The following MUSK variants were observed in gnomAD, a reference collection of about 807,000 sequenced individuals.
MUSK encodes muscle associated receptor tyrosine kinase.
MUSK carries 55 observed loss-of-function variants against 88.7 expected under a neutral mutation model. That is an observed-to-expected ratio of 0.62 (90% CI 0.50 to 0.78). The LOEUF is 0.78. MUSK is among the 30% of genes least tolerant of loss of function. MUSK has a pLI of 0.00. For synonymous variants in MUSK, 387 were observed against 391.9 expected, an observed-to-expected ratio of 0.99 and a Z score of 0.15; for missense variants, 1,015 against 1,074.3, an observed-to-expected ratio of 0.94 and a Z score of 0.77.
At chr9:110,731,954 A>G (rs1211547975) in intron 5 of MUSK, among the ~76,000 whole-genome samples, 1 of 152,168 alleles carries the variant, frequency 6.6e-6, no homozygotes, top group Non-Finnish European at 1.5e-5. Flanking sequence ...AACCTTTCCA[A>G]GAAGAATTTA....
chr9:110,708,094 AT>A (rs1178537036), intron 5 of MUSK, among the ~76,000 whole-genome samples: 1 of 81,010 alleles, frequency 1.2e-5, no homozygotes, highest in African/African-American at 4.8e-5. Context: ...AATAATTCCT[AT>A]CTATCTATCT....
intron 7 of MUSK, among the ~76,000 whole-genome samples, chr9:110,755,965 C>CGT (rs1554750841): frequency 7.6e-4 from 62 of 81,628 alleles, no homozygotes; most frequent in African/African-American, 2.5e-3. Context: ...TATATATATA[C>CGT]ATATATATAT....
Position 110,681,057 on chromosome 9 carries a change from T to A in MUSK, c.80-1617T>A, listed in dbSNP as rs1221510418. On this transcript the variant is annotated intron_variant, in intron 1 of 14. Transcript: ENST00000374448. ...TATATTATATAATATATATTATATA[T>A]TATATATATAATATTATATATATTA... is the stretch of plus-strand genomic sequence containing the variant. Among the ~76,000 whole-genome samples, 77 of 20,226 alleles carry A rather than the reference T, an allele frequency of 3.8e-3. 10 individuals carry two copies. Among genetic ancestry groups the A allele is most frequent in the African/African-American group, 0.024 (67 of 2,746 alleles). The allele number at this position is 20,226 out of a possible 152,430, so 13.3% of individuals were successfully genotyped here. A position where few individuals can be genotyped will look rare whatever the true frequency, so the allele number is the denominator to read the frequency against.
chr9:110,751,179 C>G (rs550978110), intron 7 of MUSK, among the ~76,000 whole-genome samples: 3 of 152,306 alleles, frequency 2.0e-5, no homozygotes, highest in Non-Finnish European at 4.4e-5. Flanking sequence ...ATGATTGCCA[C>G]CATACTATAT....
chr9:110,710,451 T>C lies in MUSK; in HGVS notation c.628+12985T>C, dbSNP rs375507495. 1.1e-4 allele frequency among the ~76,000 whole-genome samples: 16 copies of C among 152,332 alleles called. No individual in the cohort carries two copies. The South Asian group carries it at 3.1e-3, about 30-fold the overall frequency. ...TTGTTGTCTGTTGTTTACATTGTTATAAAGCTGGATGACATCTATCCAGAG... is the reference window on the plus strand; with the variant it reads ...TTGTTGTCTGTTGTTTACATTGTTACAAAGCTGGATGACATCTATCCAGAG... On this transcript the variant is annotated intron_variant, in intron 5 of 14. Coordinates refer to ENST00000374448, the MANE Select transcript of MUSK (RefSeq NM_005592.4).
intron 11 of MUSK, among the ~76,000 whole-genome samples, chr9:110,780,220 G>A (rs2077730000): frequency 6.6e-6 from 1 of 151,902 alleles, no homozygotes; most frequent in Non-Finnish European, 1.5e-5. Flanking sequence ...ACTTGTTACT[G>A]GTTATGTTTT....
intron 5 of MUSK, among the ~76,000 whole-genome samples, chr9:110,733,481 A>C (rs1012175570): frequency 1.3e-5 from 2 of 152,088 alleles, no homozygotes; most frequent in Admixed American, 6.6e-5. Flanking sequence ...TCCTACATCA[A>C]AATAACCTCC....
chr9:110,804,223 C>T lies in MUSK; in HGVS notation c.*3235C>T, dbSNP rs2078131347. Among the ~76,000 whole-genome samples the T allele has an allele frequency of 6.6e-6, 1 of 151,990 alleles. No individual in the cohort carries two copies. The highest frequency in any genetic ancestry group is 2.4e-5 in the African/African-American group (1 of 41,380). Reference sequence around the variant, plus strand: ...CCAATTTTTATCATTATAAAAAATGCTGTAATTAACATCCTTATTTGTTCA... The same window carrying T: ...CCAATTTTTATCATTATAAAAAATGTTGTAATTAACATCCTTATTTGTTCA... On this transcript the variant is annotated 3_prime_UTR_variant, in exon 15 of 15. Coordinates refer to ENST00000374448, the MANE Select transcript of MUSK (RefSeq NM_005592.4).
chr9:110,697,217 A>G (rs1049736056), intron 4 of MUSK, 108 bp from the exon 5 acceptor site: 2 of 1,200,754 alleles, frequency 1.7e-6, no homozygotes, highest in Non-Finnish European at 2.4e-6. Flanking sequence ...GGTCAAAGCG[A>G]TATCTTTGAT....
intron 6 of MUSK, among the ~76,000 whole-genome samples, chr9:110,735,587 G>A (rs1039091278): frequency 3.9e-5 from 6 of 152,032 alleles, no homozygotes; most frequent in Non-Finnish European, 5.9e-5. Flanking sequence ...AGAGGGGTTC[G>A]TTCATGGGTA....
intron 5 of MUSK, among the ~76,000 whole-genome samples, chr9:110,723,059 T>C (rs1262137926): frequency 2.6e-5 from 4 of 152,068 alleles, no homozygotes; most frequent in Admixed American, 2.6e-4. Context: ...GAAGTGATTA[T>C]ACAAAAAAGA....
intron 7 of MUSK, among the ~76,000 whole-genome samples, chr9:110,750,123 T>G (rs2077229529): frequency 6.6e-6 from 1 of 152,138 alleles, no homozygotes; most frequent in South Asian, 2.1e-4. Context: ...GAATACTCCA[T>G]CCAAGAAAAT....
At chr9:110,733,398 GA>G (rs2076988473) in intron 5 of MUSK, among the ~76,000 whole-genome samples, 2 of 151,970 alleles carry the variant, frequency 1.3e-5, no homozygotes, top group South Asian at 4.1e-4. Flanking sequence ...ATGATTCTGT[GA>G]ATCTAAGTAC....
chr9:110,700,306 G>A (rs2076485347), intron 5 of MUSK, among the ~76,000 whole-genome samples: 1 of 152,214 alleles, frequency 6.6e-6, no homozygotes, highest in Non-Finnish European at 1.5e-5. Context: ...GAGGAATAGA[G>A]AGGATAGCTA....
intron 3 of MUSK, among the ~76,000 whole-genome samples, chr9:110,688,094 T>A (rs1268823369): frequency 1.3e-5 from 2 of 152,122 alleles, no homozygotes; most frequent in African/African-American, 4.8e-5. Flanking sequence ...CCATTCTATT[T>A]TGTATTCCTA....
chr9:110,677,079 T>A (rs1385365294), intron 1 of MUSK, among the ~76,000 whole-genome samples: 6 of 152,124 alleles, frequency 3.9e-5, no homozygotes, highest in Admixed American at 2.6e-4. Context: ...CCCACATAAA[T>A]CTGCTTTCTC....
chr9:110,765,356 C>A (rs2077464549), intron 8 of MUSK, among the ~76,000 whole-genome samples: 1 of 152,238 alleles, frequency 6.6e-6, no homozygotes, highest in South Asian at 2.1e-4. Flanking sequence ...ATTTCGTAAA[C>A]CAGTTTGAGA....
intron 11 of MUSK, among the ~76,000 whole-genome samples, chr9:110,782,437 A>G (rs1037561918): frequency 6.6e-6 from 1 of 152,198 alleles, no homozygotes; most frequent in African/African-American, 2.4e-5. Context: ...TGCATTTTAA[A>G]AAAACTCACT....
chr9:110,757,726 A>T (rs545732913), intron 7 of MUSK, among the ~76,000 whole-genome samples: 125 of 152,160 alleles, frequency 8.2e-4, no homozygotes, highest in African/African-American at 3.0e-3. Context: ...TATTCCATTA[A>T]AAAAACGAAC....
Sources: gnomAD v4.1 joint callset for allele counts (sites outside exome capture counted in the v4.1 genomes callset) on GRCh38, gnomAD v4.1.1 for gene constraint, MANE v1.5 for transcripts, NCBI Gene and HGNC (gene_info 2026-07-23, HGNC 2026-07-21) for gene names.